Variants in HPSE2 observed in about 807,000 individuals in gnomAD.
HPSE2 encodes heparanase 2 (inactive).
A neutral mutation model predicts 60.5 loss-of-function variants in HPSE2; 38 were observed. The ratio of observed to expected loss-of-function variants is 0.63; its 90% CI spans 0.48 to 0.82. The LOEUF (loss-of-function observed/expected upper bound fraction) is 0.82, where lower values mean the gene tolerates loss of function less well. Ranked by LOEUF, HPSE2 falls within the 40% of genes least tolerant of loss-of-function variation. The pLI is 0.00. For synonymous variants in HPSE2, 295 were observed against 293.2 expected (o/e 1.01, Z -0.06); for missense variants, 713 against 740.4 (o/e 0.96, Z 0.43).
intron 9 of HPSE2, among the ~76,000 whole-genome samples, chr10:98,605,810 C>T (rs1441353001): frequency 2.0e-5 from 3 of 152,186 alleles, no homozygotes; most frequent in Non-Finnish European, 4.4e-5. Context: ...GACCATACCT[C>T]AGGTTGGTCT....
chr10:98,955,470 G>A (rs570992151), intron 3 of HPSE2, among the ~76,000 whole-genome samples: 17 of 152,286 alleles, frequency 1.1e-4, no homozygotes, highest in Non-Finnish European at 1.9e-4. Flanking sequence ...AGATGCTGGT[G>A]AGGCTGTGGA....
intron 3 of HPSE2, among the ~76,000 whole-genome samples, chr10:98,929,629 C>T (rs1251769291): frequency 7.0e-6 from 1 of 143,098 alleles, no homozygotes; most frequent in Non-Finnish European, 1.5e-5. Context: ...CTGGAGTGAC[C>T]CAGAATTGTT....
intron 6 of HPSE2, among the ~76,000 whole-genome samples, chr10:98,670,217 T>C (rs557427194): frequency 6.6e-6 from 1 of 152,286 alleles, no homozygotes; most frequent in East Asian, 1.9e-4. Context: ...GCTTTGGTTC[T>C]TATTCCAAGT....
intron 3 of HPSE2, among the ~76,000 whole-genome samples, chr10:98,825,774 C>A (rs891443634): frequency 1.3e-5 from 2 of 152,196 alleles, no homozygotes; most frequent in African/African-American, 2.4e-5. Context: ...AAATTTATCT[C>A]ACTTAAGCAA....
the HPSE2 span, among the ~76,000 whole-genome samples, chr10:99,308,529 C>T: frequency 0.046 from 7,017 of 152,002 alleles, 222 homozygotes; most frequent in Non-Finnish European, 0.071. Context: ...AAACATTATA[C>T]GAAATTCGTT....
intron 2 of HPSE2, among the ~76,000 whole-genome samples, chr10:99,185,571 G>A (rs1589793850): frequency 6.6e-6 from 1 of 152,084 alleles, no homozygotes; most frequent in African/African-American, 2.4e-5. Flanking sequence ...TCAGGAGATT[G>A]AGACCATCCT....
At chr10:98,549,721 C>A (rs117207419) in intron 9 of HPSE2, among the ~76,000 whole-genome samples, 1 of 152,156 alleles carries the variant, frequency 6.6e-6, no homozygotes, top group Non-Finnish European at 1.5e-5. Context: ...TCCACCTCTG[C>A]GTTTAATAGC....
intron 3 of HPSE2, among the ~76,000 whole-genome samples, chr10:98,883,966 CAGTT>C (rs542002759): frequency 1.3e-3 from 192 of 152,204 alleles, no homozygotes; most frequent in Non-Finnish European, 2.4e-3. Context: ...TTATACCAAA[CAGTT>C]AGCCAACTTG....
chr10:99,137,761 A>C (rs1589716656), intron 3 of HPSE2, among the ~76,000 whole-genome samples: 1 of 152,190 alleles, frequency 6.6e-6, no homozygotes, highest in East Asian at 1.9e-4. Flanking sequence ...CAAATACTTA[A>C]ATGTAAGACC....
intron 9 of HPSE2, among the ~76,000 whole-genome samples, chr10:98,589,109 G>A (rs563533283): frequency 6.6e-6 from 1 of 152,194 alleles, no homozygotes; most frequent in Non-Finnish European, 1.5e-5. Context: ...ATAACATAGT[G>A]TAAGGACGAT....
At chr10:99,096,642 G>A (rs1843727208) in intron 3 of HPSE2, among the ~76,000 whole-genome samples, 1 of 151,222 alleles carries the variant, frequency 6.6e-6, no homozygotes, top group African/African-American at 2.4e-5. Flanking sequence ...ACATTAAAAT[G>A]TTTCCCAGGA....
intron 9 of HPSE2, among the ~76,000 whole-genome samples, chr10:98,527,694 G>A (rs765713734): frequency 6.6e-6 from 1 of 152,074 alleles, no homozygotes; most frequent in Non-Finnish European, 1.5e-5. Context: ...GCCCTAGATC[G>A]ACTCTGAGCT....
At chr10:99,258,688 T>C in the HPSE2 span, among the ~76,000 whole-genome samples, 1 of 152,176 alleles carries the variant, frequency 6.6e-6, no homozygotes, top group Admixed American at 6.5e-5. Context: ...AATAGATCAG[T>C]AGAGCAGAAT....
intron 6 of HPSE2, among the ~76,000 whole-genome samples, chr10:98,655,386 T>G (rs488482): frequency 0.2 from 30,244 of 152,136 alleles, 3,330 homozygotes; most frequent in East Asian, 0.34. Flanking sequence ...TTCATACGAA[T>G]TCTCCAGCAA....
intron 3 of HPSE2, among the ~76,000 whole-genome samples, chr10:99,081,388 A>T (rs903844577): frequency 2.0e-5 from 3 of 152,168 alleles, no homozygotes; most frequent in Admixed American, 2.0e-4. Flanking sequence ...CATTTAGCCT[A>T]TATGCTGAAT....
chr10:98,735,574 A>T (rs2134299033), intron 4 of HPSE2, among the ~76,000 whole-genome samples: 1 of 152,050 alleles, frequency 6.6e-6, no homozygotes, highest in South Asian at 2.1e-4. Flanking sequence ...CAGCCCATGA[A>T]GGCAGCCAGG....
chr10:99,277,592 G>A, the HPSE2 span, among the ~76,000 whole-genome samples: 21 of 152,094 alleles, frequency 1.4e-4, no homozygotes, highest in East Asian at 7.7e-4. Context: ...ATCCCCTCCC[G>A]ACCCTCCATG....
intron 4 of HPSE2, among the ~76,000 whole-genome samples, chr10:98,722,071 T>C (rs138681736): frequency 4.0e-5 from 6 of 151,604 alleles, no homozygotes; most frequent in East Asian, 1.9e-4. Flanking sequence ...CCGGAGACCA[T>C]ACAGATTTTC....
chr10:98,841,808 A>AT (rs373906376), intron 3 of HPSE2, among the ~76,000 whole-genome samples: 4,949 of 143,198 alleles, frequency 0.035, 207 homozygotes, highest in African/African-American at 0.1. Flanking sequence ...ATTCCTTGTA[A>AT]TTTTTTTTTT....
Sources: gnomAD v4.1 joint callset for allele counts (sites outside exome capture counted in the v4.1 genomes callset) on GRCh38, gnomAD v4.1.1 for gene constraint, MANE v1.5 for transcripts, NCBI Gene and HGNC (gene_info 2026-07-23, HGNC 2026-07-21) for gene names.